SNTG2: variants seen among roughly 807,000 people sequenced by gnomAD.
SNTG2 encodes gamma-2-syntrophin.
Under a neutral mutation model 70.9 loss-of-function variants are expected in SNTG2, and 74 were observed. That is an observed-to-expected ratio of 1.04 (90% confidence interval 0.86 to 1.27). SNTG2 has a LOEUF of 1.27. SNTG2 is among the 50% of genes most tolerant of loss of function. SNTG2 has a pLI of 0.00. For missense variants in SNTG2, 717 were observed against 690.7 expected, an observed-to-expected ratio of 1.04 and a Z score of -0.43; for synonymous variants, 278 against 273.8, an observed-to-expected ratio of 1.02 and a Z score of -0.15.
At chr2:956,563 A>G (rs2147941325) in intron 1 of SNTG2, among the ~76,000 whole-genome samples, 1 of 152,272 alleles carries the variant, frequency 6.6e-6, no homozygotes, top group Middle Eastern at 3.4e-3. Context: ...CTTCCTGCGG[A>G]GGACCCGCTC....
At chr2:1,348,144 C>A (rs1306216410) in intron 16 of SNTG2, among the ~76,000 whole-genome samples, 7 of 152,126 alleles carry the variant, frequency 4.6e-5, no homozygotes, top group Admixed American at 4.6e-4. Context: ...ATGGCAACAG[C>A]CACTGGACCC....
At chr2:1,200,782 T>C (rs1202148862) in intron 8 of SNTG2, among the ~76,000 whole-genome samples, 1 of 151,710 alleles carries the variant, frequency 6.6e-6, no homozygotes, top group Non-Finnish European at 1.5e-5. Context: ...CGAACAGATA[T>C]ATGAAAAAAA....
At chr2:1,100,027 G>A (rs1410168486) in intron 4 of SNTG2, among the ~76,000 whole-genome samples, 1 of 152,194 alleles carries the variant, frequency 6.6e-6, no homozygotes, top group African/African-American at 2.4e-5. Flanking sequence ...AGAGGCAGCA[G>A]GTGCTGTTCA....
At chr2:951,923 C>T (rs1659982821) in intron 1 of SNTG2, among the ~76,000 whole-genome samples, 2 of 152,142 alleles carry the variant, frequency 1.3e-5, no homozygotes, top group African/African-American at 4.8e-5. Context: ...TACAGTTAGC[C>T]CTCCCTTATA....
At chr2:972,669 C>T (rs1258133698) in intron 1 of SNTG2, among the ~76,000 whole-genome samples, 1 of 152,062 alleles carries the variant, frequency 6.6e-6, no homozygotes, top group African/African-American at 2.4e-5. Context: ...GGTTTGGCAC[C>T]ATCCCCTTGG....
chr2:1,214,983 G>C (rs1674285874), intron 9 of SNTG2, among the ~76,000 whole-genome samples: 2 of 152,136 alleles, frequency 1.3e-5, no homozygotes. Context: ...TGCATCTATT[G>C]CTACAATGTT....
intron 16 of SNTG2, among the ~76,000 whole-genome samples, chr2:1,332,225 G>A (rs748503751): frequency 7.9e-5 from 12 of 152,282 alleles, no homozygotes; most frequent in Non-Finnish European, 1.5e-4. Flanking sequence ...AGATGAATTG[G>A]CCATTCAGAA....
intron 16 of SNTG2, among the ~76,000 whole-genome samples, chr2:1,322,171 C>T (rs1299657748): frequency 1.3e-5 from 2 of 152,154 alleles, no homozygotes; most frequent in East Asian, 3.8e-4. Context: ...TTTTTCTAAG[C>T]AGTGGCAACA....
Position 1,128,885 on chromosome 2 carries a change from T to G in SNTG2, c.326-8737T>G, listed in dbSNP as rs531541482. 3.9e-5 allele frequency among the ~76,000 whole-genome samples: 6 copies of G among 152,296 alleles called. No homozygotes were observed. In the East Asian group the frequency reaches 1.2e-3, roughly 29 times the overall value. On this transcript the variant is annotated intron_variant, in intron 4 of 16. Transcript: ENST00000308624. Reference sequence around the variant, plus strand: ...GTGACTTTCTGTTATTCCAGTTGATTTTTTAAAAATGAAATCTGCATTTTT... The same window carrying G: ...GTGACTTTCTGTTATTCCAGTTGATGTTTTAAAAATGAAATCTGCATTTTT...
intron 1 of SNTG2, among the ~76,000 whole-genome samples, chr2:1,024,304 G>C (rs1660356684): frequency 6.6e-6 from 1 of 152,212 alleles, no homozygotes; most frequent in Non-Finnish European, 1.5e-5. Context: ...GATGTGATGT[G>C]ACAGAAGGTT....
intron 9 of SNTG2, among the ~76,000 whole-genome samples, chr2:1,213,102 AAAT>A (rs1399329703): frequency 6.6e-6 from 1 of 152,250 alleles, no homozygotes; most frequent in Non-Finnish European, 1.5e-5. Flanking sequence ...AAAAATTGAC[AAAT>A]AATAATCATA....
chr2:1,187,517 A>G (rs1208710911), intron 8 of SNTG2, among the ~76,000 whole-genome samples: 2 of 152,170 alleles, frequency 1.3e-5, no homozygotes, highest in African/African-American at 4.8e-5. Context: ...TGGATTTCTC[A>G]AGCCTCCACA....
At chr2:999,032 T>G (rs1661782913) in intron 1 of SNTG2, among the ~76,000 whole-genome samples, 1 of 152,112 alleles carries the variant, frequency 6.6e-6, no homozygotes, top group Non-Finnish European at 1.5e-5. Flanking sequence ...ACAAATTTTA[T>G]ATCTTGCTAC....
At chr2:1,152,387 G>A (rs1412977039) in intron 6 of SNTG2, among the ~76,000 whole-genome samples, 7 of 152,214 alleles carry the variant, frequency 4.6e-5, no homozygotes, top group South Asian at 2.1e-4. Context: ...GTGTGAGGCC[G>A]TGTGCATGCT....
At chr2:1,178,011 T>C (rs1021211856) in intron 8 of SNTG2, among the ~76,000 whole-genome samples, 3 of 152,204 alleles carry the variant, frequency 2.0e-5, no homozygotes, top group Non-Finnish European at 4.4e-5. Context: ...TTTTTAATTA[T>C]ATGATAAACA....
chr2:1,254,224 G>T (rs115144398), intron 12 of SNTG2, among the ~76,000 whole-genome samples: 1 of 152,192 alleles, frequency 6.6e-6, no homozygotes, highest in South Asian at 2.1e-4. Context: ...CGTGAGGAGG[G>T]CCCGGCCCAC....
At chr2:1,318,149 A>G (rs1368702479) in intron 16 of SNTG2, among the ~76,000 whole-genome samples, 2 of 152,246 alleles carry the variant, frequency 1.3e-5, no homozygotes, top group African/African-American at 4.8e-5. Flanking sequence ...TTTTATGTAT[A>G]AATGTGTTGC....
intron 4 of SNTG2, among the ~76,000 whole-genome samples, chr2:1,132,388 C>T (rs73168779): frequency 0.018 from 2,711 of 152,174 alleles, 95 homozygotes; most frequent in African/African-American, 0.061. Context: ...CCTTTCCAGA[C>T]GCCTGGAATT....
chr2:986,721 G>A (rs905421169), intron 1 of SNTG2, among the ~76,000 whole-genome samples: 8 of 149,352 alleles, frequency 5.4e-5, no homozygotes, highest in African/African-American at 2.0e-4. Context: ...CTTAAATAGA[G>A]GGTTCGTTCT....
Sources: gnomAD v4.1 joint callset for allele counts (sites outside exome capture counted in the v4.1 genomes callset) on GRCh38, gnomAD v4.1.1 for gene constraint, MANE v1.5 for transcripts, NCBI Gene and HGNC (gene_info 2026-07-23, HGNC 2026-07-21) for gene names.